The following ALG1 variants were observed in gnomAD, a reference collection of about 807,000 sequenced individuals.
ALG1 encodes chitobiosyldiphosphodolichol beta-mannosyltransferase.
A neutral mutation model predicts 55.1 loss-of-function variants in ALG1; 58 were observed. The observed-to-expected ratio is 1.05, with a 90% confidence interval of 0.85 to 1.31. The LOEUF is 1.31. ALG1 is among the 50% of genes most tolerant of loss of function. ALG1 has a pLI of 0.00. For synonymous variants in ALG1, 309 were observed against 247.0 expected, an observed-to-expected ratio of 1.25 and a Z score of -2.35; for missense variants, 761 against 598.6, an observed-to-expected ratio of 1.27 and a Z score of -2.83.
At chr16:5,076,941 C>T (rs1181019176) in intron 4 of ALG1, among the ~76,000 whole-genome samples, 1 of 151,916 alleles carries the variant, frequency 6.6e-6, no homozygotes, top group East Asian at 1.9e-4. Flanking sequence ...ATTATAGGCA[C>T]CCACCACCAC....
rs1316086165 is a variant in ALG1 at position 5,085,586 on chromosome 16, G to A, written c.*705G>A. 1.5e-6 allele frequency: 2 copies of A among 1,327,676 alleles called. No individual in the cohort carries two copies. Among genetic ancestry groups the A allele is most frequent in the African/African-American group, 2.9e-5 (2 of 69,338 alleles). The allele number at this position is 1,327,676 out of a possible 1,614,324, so 82.2% of individuals were successfully genotyped here. A position where few individuals can be genotyped will look rare whatever the true frequency, so the allele number is the denominator to read the frequency against. ...TTTCCCATATAAAAATTCTTCCCAT[G>A]AGAGTGACTTGATTCTCACAATCCC... On this transcript the variant is annotated 3_prime_UTR_variant, in exon 13 of 13. Transcript: ENST00000262374.
At position 5,073,006 on chromosome 16, in the gene ALG1, G is replaced by A; in HGVS notation, c.264G>A (p.Leu88=). The A allele has an allele frequency of 6.2e-7, 1 of 1,614,200 alleles. No homozygotes were observed. Among genetic ancestry groups the A allele is most frequent in the South Asian group, 1.1e-5 (1 of 91,082 alleles). ...ACAACAGAATTCAGATTGTGGGGTT[G>A]ACAGAACTTCAGAGTCTTGCAGGTA... ...LQNNRIQIVG[L]TELQSLAVGP... is the part of the protein sequence containing the mutation. Residue 88 remains leucine (L), a synonymous_variant, in exon 2 of 13, where the codon TTG becomes TTA. Transcript: ENST00000262374.
rs57377039 is a variant in ALG1, at chr16:5,084,934, T to G, written c.*53T>G. 1.2e-4 allele frequency: 196 copies of G among 1,596,274 alleles called. 1 individual carries two copies. In the East Asian group the frequency reaches 1.3e-3, roughly 11 times the overall value. The stretch of plus-strand genomic sequence containing the variant: ...GACCCCTGCTGTCCTTCCCGCAGCT[T>G]CTTCTTGGAGTCTCAGGGCAAACCC... On this transcript the variant is annotated 3_prime_UTR_variant, in exon 13 of 13. Transcript: ENST00000262374.
Position 5,078,798 on chromosome 16 carries a change from C to T in ALG1, c.782C>T (p.Thr261Met), listed in dbSNP as rs534622519. The T allele has an allele frequency of 5.1e-5, 82 of 1,612,874 alleles. No homozygotes were observed. The Admixed American group carries it at 1.2e-3, about 24-fold the overall frequency. ...CCAGTCACGGAGCGGTCGGCCTTCACGGAGCGGGATGCTGGGAGCGGGCTG... is the reference window on the plus strand; with the variant it reads ...CCAGTCACGGAGCGGTCGGCCTTCATGGAGCGGGATGCTGGGAGCGGGCTG... Reference protein sequence around the residue: ...EDPVTERSAFTERDAGSGLVT... With the variant: ...EDPVTERSAFMERDAGSGLVT... Residue 261 changes from threonine (T) to methionine (M), a missense_variant, in exon 7 of 13, where the codon ACG (threonine) becomes ATG (methionine). By Grantham distance (81) the Thr-to-Met change is moderately conservative (BLOSUM62 -1). Transcript: ENST00000262374.
chr16:5,082,947 A>C (rs987012344), intron 11 of ALG1, among the ~76,000 whole-genome samples: 7 of 152,218 alleles, frequency 4.6e-5, no homozygotes, highest in African/African-American at 1.4e-4. Context: ...GCACCAACCC[A>C]ATATGAAAAC....
At position 5,085,291 on chromosome 16, in the gene ALG1, G is replaced by A; in HGVS notation, c.*410G>A. 2.0e-6 allele frequency: 1 copy of A among 490,336 alleles called. No homozygotes were observed. 30.4% of individuals were successfully genotyped at this position (490,336 alleles called of 1,614,324 possible). A position where few individuals can be genotyped will look rare whatever the true frequency, so the allele number is the denominator to read the frequency against. ...GCCCAGGGATGTGGCAGCTGCAGTGGGCTTGGCTTTGTGAGGAACTGAGTG... is the reference window on the plus strand; with the variant it reads ...GCCCAGGGATGTGGCAGCTGCAGTGAGCTTGGCTTTGTGAGGAACTGAGTG... On this transcript the variant is annotated 3_prime_UTR_variant, in exon 13 of 13. Coordinates refer to ENST00000262374, the MANE Select transcript of ALG1 (RefSeq NM_019109.5).
In ALG1 at chr16:5,079,725, A is replaced by G. The variant is rs1449809600; in HGVS notation, c.902-23A>G. 3.1e-6 allele frequency: 5 copies of G among 1,610,380 alleles called. No homozygotes were observed. In the South Asian group the frequency reaches 4.4e-5, roughly 14 times the overall value. On this transcript the variant is annotated intron_variant, in intron 8 of 12. Coordinates refer to ENST00000262374, the MANE Select transcript of ALG1 (RefSeq NM_019109.5). ...AATTCTATCAGAAATTCCATGTAGA[A>G]TTGTTTCTTTTTCTAAACACAGAGT...
rs1452515979 is a variant in ALG1, at chr16:5,071,883, T to C, written c.34T>C (p.Cys12Arg). The C allele has an allele frequency of 4.4e-6, 7 of 1,602,768 alleles. No homozygotes were observed. The East Asian group carries it at 6.7e-5, about 15-fold the overall frequency. The change falls in exon 1 of 13, where the codon TGT (cysteine) becomes CGT (arginine). Residue 12 changes from cysteine to arginine, a missense_variant. By Grantham distance (180) the Cys-to-Arg change is radical. Coordinates refer to ENST00000262374, the MANE Select transcript of ALG1 (RefSeq NM_019109.5). The stretch of plus-strand genomic sequence containing the variant: ...CTCATGCTTGGTCCTGCTGGCGCTG[T>C]GTCTGCTGCTGCCGCTGCTGCTGCT... ...AASCLVLLALCLLLPLLLLGG... is the reference protein window; with the variant it reads ...AASCLVLLALRLLLPLLLLGG...
Position 5,085,057 on chromosome 16 carries a change from C to A in ALG1, c.*176C>A. 1 of 1,201,268 alleles carries A rather than the reference C, an allele frequency of 8.3e-7. No individual in the cohort carries two copies. Among genetic ancestry groups the A allele is most frequent in the South Asian group, 1.4e-5 (1 of 72,246 alleles). The allele number at this position is 1,201,268 out of a possible 1,614,324, so 74.4% of individuals were successfully genotyped here. On this transcript the variant is annotated 3_prime_UTR_variant, in exon 13 of 13. Coordinates refer to ENST00000262374, the MANE Select transcript of ALG1 (RefSeq NM_019109.5). ...CTGTGACCCGGGAAGCTTTGGTTGGCCTTGATTTCTTCTCTGGAGGCTTGG... is the reference window on the plus strand; with the variant it reads ...CTGTGACCCGGGAAGCTTTGGTTGGACTTGATTTCTTCTCTGGAGGCTTGG...
rs1957154891 is a variant in ALG1 at position 5,086,110 on chromosome 16, CG to C, written c.*1231del. On this transcript the variant is annotated 3_prime_UTR_variant, in exon 13 of 13. Transcript: ENST00000262374. ...CAACACTTTGGGAGGCCAAGGCGGGCGGATCACTTGAGGTCAGGAGTTCGAG... is the reference window on the plus strand; with the variant it reads ...CAACACTTTGGGAGGCCAAGGCGGGCGATCACTTGAGGTCAGGAGTTCGAG... Among the ~76,000 whole-genome samples, 1 of 152,094 alleles carries C rather than the reference CG, an allele frequency of 6.6e-6. No individual in the cohort carries two copies. The highest frequency in any genetic ancestry group is 1.5e-5 in the Non-Finnish European group (1 of 68,018).
chr16:5,075,663 G>T, intron 4 of ALG1, 127 bp downstream of exon 4: 1 of 1,190,366 alleles, frequency 8.4e-7, no homozygotes, highest in Non-Finnish European at 1.2e-6. Context: ...GGTGAGGCTG[G>T]TGAATCAGGC....
At chr16:5,072,420 A>G (rs1025211580) in intron 1 of ALG1, 4 of 491,258 alleles carry the variant, frequency 8.1e-6, no homozygotes, top group African/African-American at 3.9e-5. Flanking sequence ...CTCATCCCTC[A>G]ACGCAGAGCT....
In ALG1 at chr16:5,072,948, C is replaced by G. The variant is rs375554378; in HGVS notation, c.209-3C>G. 2 of 1,613,930 alleles carry G rather than the reference C, an allele frequency of 1.2e-6. No individual in the cohort carries two copies. Among genetic ancestry groups the G allele is most frequent in the East Asian group, 2.2e-5 (1 of 44,890 alleles). On this transcript the variant is annotated splice_region_variant and splice_polypyrimidine_tract_variant and intron_variant, in intron 1 of 12. Coordinates refer to ENST00000262374, the MANE Select transcript of ALG1 (RefSeq NM_019109.5). ...CATTAAAGGGATCATTCTCATTTTT[C>G]AGACTCCAAACCCCATGATGAGCTC...
intron 1 of ALG1, chr16:5,072,343 C>A: frequency 8.6e-7 from 1 of 1,162,006 alleles, no homozygotes; most frequent in Non-Finnish European, 1.2e-6. Flanking sequence ...AGGGCTAGTG[C>A]TGGTAGCTAC....
At chr16:5,076,985 G>C (rs914657807) in intron 4 of ALG1, among the ~76,000 whole-genome samples, 8 of 151,906 alleles carry the variant, frequency 5.3e-5, no homozygotes, top group African/African-American at 1.7e-4. Flanking sequence ...AGTAGAGACA[G>C]GGTTTCACCA....
intron 12 of ALG1, 25 bp downstream of exon 12, chr16:5,083,782 G>C: frequency 1.3e-6 from 2 of 1,597,550 alleles, no homozygotes; most frequent in South Asian, 1.1e-5. Flanking sequence ...CACCACGCCA[G>C]GGTGGGGAGG....
Position 5,071,919 on chromosome 16 carries a change from A to G in ALG1, c.70A>G (p.Lys24Glu), listed in dbSNP as rs1386626500. 1.3e-6 allele frequency: 2 copies of G among 1,595,562 alleles called. No homozygotes were observed. Among genetic ancestry groups the G allele is most frequent in the Admixed American group, 3.5e-5 (2 of 57,388 alleles). ...GCCGCTGCTGCTGCTGGGAGGATGG[A>G]AGCGCTGGCGCCGGGGGCGGGCGGC... ...LLPLLLLGGW[K>E]RWRRGRAARH... Residue 24 changes from lysine to glutamate, a missense_variant, in exon 1 of 13, where the codon AAG becomes GAG. Transcript: ENST00000262374.
intron 3 of ALG1, 171 bp downstream of exon 3, chr16:5,073,427 C>T (rs1487306805): frequency 1.5e-6 from 1 of 665,386 alleles, no homozygotes; most frequent in Admixed American, 2.3e-5. Context: ...TATCCATGCT[C>T]TCTGTGTCAT....
At chr16:5,083,629 G>C (rs1391285702) in intron 11 of ALG1, 53 bp from the exon 12 acceptor site, 6 of 1,599,812 alleles carry the variant, frequency 3.8e-6, no homozygotes, top group Non-Finnish European at 5.1e-6. Flanking sequence ...GGCACCCCAG[G>C]GGTCTGGTGT....
Sources: gnomAD v4.1 joint callset for allele counts (sites outside exome capture counted in the v4.1 genomes callset) on GRCh38, gnomAD v4.1.1 for gene constraint, MANE v1.5 for transcripts, NCBI Gene and HGNC (gene_info 2026-07-23, HGNC 2026-07-21) for gene names.